Variants in ANP32E observed in about 807,000 individuals in gnomAD.
ANP32E encodes acidic nuclear phosphoprotein 32 family member E.
A neutral mutation model predicts 35.3 loss-of-function variants in ANP32E; 14 were observed. The observed-to-expected ratio is 0.40, with a 90% confidence interval of 0.26 to 0.62. The LOEUF is 0.62. Ranked by LOEUF, ANP32E falls within the 20% of genes least tolerant of loss-of-function variation. The pLI is 0.45. For missense variants in ANP32E, 198 were observed against 304.4 expected (o/e 0.65, Z 2.60); for synonymous variants, 89 against 110.4 (o/e 0.81, Z 1.22).
chr1:150,221,630 T>G (rs1648418196), intron 6 of ANP32E, among the ~76,000 whole-genome samples: 3 of 38,948 alleles, frequency 7.7e-5, no homozygotes, highest in Non-Finnish European at 1.1e-4. Context: ...AGGAAGGAAA[T>G]TATACTTCAA....
At chr1:150,221,381 G>C (rs1004438026) in intron 6 of ANP32E, among the ~76,000 whole-genome samples, 5 of 149,262 alleles carry the variant, frequency 3.3e-5, no homozygotes, top group African/African-American at 1.2e-4. Flanking sequence ...AGAGGCTGCA[G>C]TGAGCCGAGA....
At chr1:150,227,806 T>TTTTTTTTTTTTTTTTTGAG (rs1553840516) in intron 4 of ANP32E, among the ~76,000 whole-genome samples, 2 of 142,368 alleles carry the variant, frequency 1.4e-5, no homozygotes, top group East Asian at 2.0e-4. Context: ...AATTTCTTTT[T>TTTTTTTTTTTTTTTTTGAG]ACGATGAAGA....
intron 2 of ANP32E, 64 bp downstream of exon 2, chr1:150,231,713 G>A: frequency 4.3e-6 from 6 of 1,379,974 alleles, no homozygotes; most frequent in Non-Finnish European, 5.6e-6. Flanking sequence ...ATTCCATTTG[G>A]CCAAACACTA....
rs367961085 is a variant in ANP32E at position 150,228,636 on chromosome 1, G to C, written c.493+436C>G. Among the ~76,000 whole-genome samples the C allele has an allele frequency of 1.3e-4, 20 of 150,942 alleles. 2 individuals are homozygous for C. Among genetic ancestry groups the C allele is most frequent in the East Asian group, 1.2e-3 (6 of 5,130 alleles). On this transcript the variant is annotated intron_variant, in intron 4 of 6. Transcript: ENST00000583931. ...GAAACCAGAAGGCAGAGGTTGCAGT[G>C]AGCCGAGATTGTGCCACTGCACTCT...
At chr1:150,229,603 C>A (rs1046258932) in intron 3 of ANP32E, among the ~76,000 whole-genome samples, 1 of 152,200 alleles carries the variant, frequency 6.6e-6, no homozygotes, top group Non-Finnish European at 1.5e-5. Flanking sequence ...CTCAGCCTCC[C>A]GAGTCGCTGG....
In ANP32E at chr1:150,228,413, G is replaced by A. The variant is rs370818737; in HGVS notation, c.493+659C>T. Among the ~76,000 whole-genome samples the A allele has an allele frequency of 6.6e-5, 10 of 152,128 alleles. No individual in the cohort carries two copies. In the East Asian group the frequency reaches 7.7e-4, roughly 12 times the overall value. On this transcript the variant is annotated intron_variant, in intron 4 of 6. Coordinates refer to ENST00000583931, the MANE Select transcript of ANP32E (RefSeq NM_030920.5). ...ATTTCTAAAATCTGTTCATCGGGCCGGGGCGTGGTGGCTCACGCTGGTAAT... is the reference window on the plus strand; with the variant it reads ...ATTTCTAAAATCTGTTCATCGGGCCAGGGCGTGGTGGCTCACGCTGGTAAT...
In ANP32E at chr1:150,235,251, G is replaced by T. The variant is rs1169999836; in HGVS notation, c.54+482C>A. On this transcript the variant is annotated intron_variant, in intron 1 of 6. Coordinates refer to ENST00000583931, the MANE Select transcript of ANP32E (RefSeq NM_030920.5). The surrounding 1 kb of genome is among the most constrained non-coding windows in gnomAD (Gnocchi z 4.2). ...CCCAGCCCGCGCCCGTCGCGACGTCGGACGCCCAGGGCCTCGAGGCCGGGG... is the reference window on the plus strand; with the variant it reads ...CCCAGCCCGCGCCCGTCGCGACGTCTGACGCCCAGGGCCTCGAGGCCGGGG... 6.6e-6 allele frequency among the ~76,000 whole-genome samples: 1 copy of T among 152,216 alleles called. No homozygotes were observed. Among genetic ancestry groups the T allele is most frequent in the Non-Finnish European group, 1.5e-5 (1 of 68,034 alleles).
In ANP32E at chr1:150,221,551, G is replaced by A. The variant is rs1165543991; in HGVS notation, c.737-790C>T. Among the ~76,000 whole-genome samples, 16 of 85,966 alleles carry A rather than the reference G, an allele frequency of 1.9e-4. 3 individuals carry two copies. In the East Asian group the frequency reaches 6.2e-3, roughly 33 times the overall value. 56.4% of individuals were successfully genotyped at this position (85,966 alleles called of 152,430 possible). The stretch of plus-strand genomic sequence containing the variant: ...TGGGAGGAAGGGAGGGAGGGAGGGA[G>A]GGAGGGAAGGAAAGGAAGGAGAGTG... On this transcript the variant is annotated intron_variant, in intron 6 of 6. Coordinates refer to ENST00000583931, the MANE Select transcript of ANP32E (RefSeq NM_030920.5).
In ANP32E at chr1:150,226,742, C is replaced by T. The variant is rs781991286; in HGVS notation, c.547G>A (p.Gly183Arg). ...TCTTCCTCCTCCTCTTCCTCATATC[C>T]TTCCGGTGGACCAGCTTCATTTTCC... ...EEENEAGPPE[G>R]YEEEEEEEEE... The change falls in exon 5 of 7, where the codon GGA (glycine) becomes AGA (arginine). Residue 183 changes from glycine to arginine, a missense_variant. By Grantham distance (125) the Gly-to-Arg change is moderately radical (BLOSUM62 -2). This residue lies in a region of ANP32E where 121 missense variants were observed against 137.3 expected (regional missense o/e 0.88). Transcript: ENST00000583931. 5 of 1,592,054 alleles carry T rather than the reference C, an allele frequency of 3.1e-6. No homozygotes were observed. The highest frequency in any genetic ancestry group is 2.2e-5 in the East Asian group (1 of 44,668).
In ANP32E at chr1:150,222,098, GAAATAAAATAAAATAAAATA is replaced by G. The variant is rs56336280; in HGVS notation, c.736+1068_736+1087del. 2.2e-4 allele frequency among the ~76,000 whole-genome samples: 32 copies of G among 147,680 alleles called. 1 individual carries two copies. The highest frequency in any genetic ancestry group is 5.8e-4 in the African/African-American group (23 of 39,924). On this transcript the variant is annotated intron_variant, in intron 6 of 6. Transcript: ENST00000583931. ...AGACCCTGTCTCAAAACAATAAAATGAAATAAAATAAAATAAAATAAAATAAAATAAAATAAAATAGGCCG... is the reference window on the plus strand; with the variant it reads ...AGACCCTGTCTCAAAACAATAAAATGAAATAAAATAAAATAAAATAGGCCG...
rs1200057717 is a variant in ANP32E at position 150,223,406 on chromosome 1, C to T, written c.682-166G>A. 26 of 876,818 alleles carry T rather than the reference C, an allele frequency of 3.0e-5. No homozygotes were observed. The South Asian group carries it at 4.1e-4, about 14-fold the overall frequency. 54.3% of individuals were successfully genotyped at this position (876,818 alleles called of 1,614,324 possible). A position where few individuals can be genotyped will look rare whatever the true frequency, so the allele number is the denominator to read the frequency against. ...TTTAAAACCTAACTAAAGGGCCGGG[C>T]GCGGTGGCTCACGCCTGTAATCCCA... On this transcript the variant is annotated intron_variant, in intron 5 of 6. Transcript: ENST00000583931.
At chr1:150,228,190 C>T (rs1224331348) in intron 4 of ANP32E, among the ~76,000 whole-genome samples, 1 of 151,776 alleles carries the variant, frequency 6.6e-6, no homozygotes, top group African/African-American at 2.4e-5. Context: ...CTCACTGCAA[C>T]CTTCGCCTCC....
intron 1 of ANP32E, chr1:150,234,442 ATCTTAGTT>A (rs1649612544): frequency 1.4e-5 from 4 of 289,204 alleles, no homozygotes; most frequent in Non-Finnish European, 2.1e-5. Context: ...AAAAAAAAAA[ATCTTAGTT>A]GCCACTCCAC....
intron 3 of ANP32E, among the ~76,000 whole-genome samples, chr1:150,229,806 C>T (rs1649209287): frequency 6.6e-6 from 1 of 151,946 alleles, no homozygotes; most frequent in Admixed American, 6.6e-5. Flanking sequence ...TAGAGACGGG[C>T]TTTTACCATG....
Position 150,226,607 on chromosome 1 carries a change from C to A in ANP32E, c.681+1G>T. ...AGTGCAGGTAAGAAGTGTGTATTCA[C>A]CTGAATTTCTTCTTTCATTAAGTAT... On this transcript the variant is annotated splice_donor_variant, in intron 5 of 6. Transcript: ENST00000583931. LOFTEE classifies it high-confidence loss of function. 6.2e-7 allele frequency: 1 copy of A among 1,613,372 alleles called. No homozygotes were observed. The highest frequency in any genetic ancestry group is 8.5e-7 in the Non-Finnish European group (1 of 1,179,924).
chr1:150,229,246 G>A lies in ANP32E; in HGVS notation c.328-9C>T, dbSNP rs782720525. 4.1e-6 allele frequency: 5 copies of A among 1,230,472 alleles called. No individual in the cohort carries two copies. The highest frequency in any genetic ancestry group is 1.6e-5 in the African/African-American group (1 of 63,098). 76.2% of individuals were successfully genotyped at this position (1,230,472 alleles called of 1,614,324 possible). ...AAATTTTTAAGATTTTGCTGGAAAA[G>A]TAAAGTTAAAACTTACATTCAAGAT... On this transcript the variant is annotated splice_polypyrimidine_tract_variant and intron_variant, in intron 3 of 6. Coordinates refer to ENST00000583931, the MANE Select transcript of ANP32E (RefSeq NM_030920.5).
At position 150,223,206 on chromosome 1, in the gene ANP32E, C is replaced by CCTTCTTCAACATAGTCATCATCAT. The variant is rs2101762631; in HGVS notation, c.692_715dup (p.Asp231_Glu238dup). 9 of 1,524,868 alleles carry CCTTCTTCAACATAGTCATCATCAT rather than the reference C, an allele frequency of 5.9e-6. No homozygotes were observed. The East Asian group carries it at 2.2e-4, about 37-fold the overall frequency. 94.5% of individuals were successfully genotyped at this position (1,524,868 alleles called of 1,614,324 possible). On this transcript the variant is annotated inframe_insertion, in exon 6 of 7. Transcript: ENST00000583931. ...CTCACCCTCTTCTTCCTCTTCTTCC[C>CCTTCTTCAACATAGTCATCATCAT]CTTCTTCAACATAGTCATCATCATC...
rs1553837023 is a variant in ANP32E, at chr1:150,219,902, G to A, written c.*789C>T. ...GAGCGGGAGGGAGTGAAACAAGAAGGGAAGGTGATCATAAAGGAATTGCTA... is the reference window on the plus strand; with the variant it reads ...GAGCGGGAGGGAGTGAAACAAGAAGAGAAGGTGATCATAAAGGAATTGCTA... On this transcript the variant is annotated 3_prime_UTR_variant, in exon 7 of 7. Coordinates refer to ENST00000583931, the MANE Select transcript of ANP32E (RefSeq NM_030920.5). 1 of 152,030 alleles carries A rather than the reference G, an allele frequency of 6.6e-6. No individual in the cohort carries two copies. Among genetic ancestry groups the A allele is most frequent in the East Asian group, 1.9e-4 (1 of 5,192 alleles). 9.4% of individuals were successfully genotyped at this position (152,030 alleles called of 1,614,324 possible).
chr1:150,235,818 CT>C lies in ANP32E; in HGVS notation c.-33del. The stretch of plus-strand genomic sequence containing the variant: ...CTCTTGCTCTTCAGCTACTACTCTC[CT>C]TTTCCCTTTCCTGCCTTCCCCAATA... On this transcript the variant is annotated 5_prime_UTR_variant, in exon 1 of 7. Coordinates refer to ENST00000583931, the MANE Select transcript of ANP32E (RefSeq NM_030920.5). This position sits in a 1 kb window ranked among gnomAD's most constrained non-coding sequence, Gnocchi z 4.2. 6.5e-7 allele frequency: 1 copy of C among 1,534,498 alleles called. No individual in the cohort carries two copies. Among genetic ancestry groups the C allele is most frequent in the Non-Finnish European group, 8.9e-7 (1 of 1,121,330 alleles).
Sources: allele counts gnomAD v4.1 joint callset (sites outside exome capture counted in the v4.1 genomes callset), GRCh38; gene constraint gnomAD v4.1.1; regional missense constraint gnomAD v4.1.1; non-coding constraint Gnocchi (gnomAD v3.1); transcripts MANE v1.5; gene names NCBI Gene and HGNC (gene_info 2026-07-23, HGNC 2026-07-21).